CABCOCO1: variants seen among roughly 807,000 people sequenced by gnomAD.
The protein encoded by CABCOCO1 is ciliary associated calcium binding coiled-coil 1, also known as ciliary-associated calcium-binding coiled-coil protein 1.
A neutral mutation model predicts 35.7 loss-of-function variants in CABCOCO1; 28 were observed. That is an observed-to-expected ratio of 0.78 (90% CI 0.58 to 1.07). The LOEUF is 1.07. Among genes scored for constraint, CABCOCO1 ranks in the 50% least tolerant of loss-of-function variants. CABCOCO1 has a pLI of 0.00. For missense variants in CABCOCO1, 326 were observed against 309.2 expected, an observed-to-expected ratio of 1.05 and a Z score of -0.41; for synonymous variants, 95 against 100.1, an observed-to-expected ratio of 0.95 and a Z score of 0.30.
At chr10:61,686,605 A>C (rs1839974144) in intron 4 of CABCOCO1, among the ~76,000 whole-genome samples, 1 of 152,194 alleles carries the variant, frequency 6.6e-6, no homozygotes, top group Non-Finnish European at 1.5e-5. Context: ...CATTTTGAAG[A>C]GCAACATTCA....
intron 2 of CABCOCO1, among the ~76,000 whole-genome samples, chr10:61,674,081 G>T (rs115520305): frequency 0.033 from 5,000 of 152,146 alleles, 294 homozygotes; most frequent in African/African-American, 0.11. Flanking sequence ...CCAAGTAAAA[G>T]ATATTATATT....
At chr10:61,751,885 T>C (rs1841797102) in intron 5 of CABCOCO1, among the ~76,000 whole-genome samples, 2 of 152,210 alleles carry the variant, frequency 1.3e-5, no homozygotes, top group Non-Finnish European at 2.9e-5. Context: ...TCTACATTTT[T>C]AGAACATTCA....
At chr10:61,681,366 T>TAAATTTC in intron 3 of CABCOCO1, 54 bp downstream of exon 3, 1 of 1,344,280 alleles carries the variant, frequency 7.4e-7, no homozygotes, top group Non-Finnish European at 1.0e-6. Context: ...CCATATAAAT[T>TAAATTTC]GAGGTTCTTA....
chr10:61,747,414 AC>A (rs1841686541), intron 5 of CABCOCO1, among the ~76,000 whole-genome samples: 2 of 152,176 alleles, frequency 1.3e-5, no homozygotes, highest in Non-Finnish European at 2.9e-5. Context: ...TACCTTGCAT[AC>A]CAGATCTTTC....
At chr10:61,698,537 C>T (rs767652697) in intron 5 of CABCOCO1, among the ~76,000 whole-genome samples, 3 of 152,092 alleles carry the variant, frequency 2.0e-5, no homozygotes, top group Non-Finnish European at 4.4e-5. Flanking sequence ...TTTTGGCAGC[C>T]TTTCATAACC....
chr10:61,701,696 C>T, intron 5 of CABCOCO1: 1 of 984,764 alleles, frequency 1.0e-6, no homozygotes, highest in South Asian at 4.7e-5. Flanking sequence ...CTAGGGTGTC[C>T]AGATATGCAT....
chr10:61,759,146 G>A (rs1841957304), intron 5 of CABCOCO1, among the ~76,000 whole-genome samples: 1 of 151,738 alleles, frequency 6.6e-6, no homozygotes, highest in South Asian at 2.1e-4. Flanking sequence ...TCATCCCTGG[G>A]CCACAATAAC....
At chr10:61,703,415 T>C (rs1840513168) in intron 5 of CABCOCO1, among the ~76,000 whole-genome samples, 2 of 152,130 alleles carry the variant, frequency 1.3e-5, no homozygotes, top group Admixed American at 1.3e-4. Flanking sequence ...AGACATAATA[T>C]AAGCTAACAA....
chr10:61,743,178 A>C (rs1841586451), intron 5 of CABCOCO1, among the ~76,000 whole-genome samples: 1 of 152,212 alleles, frequency 6.6e-6, no homozygotes, highest in Admixed American at 6.5e-5. Flanking sequence ...TCCTCTCAAC[A>C]AATGAAGGGA....
chr10:61,675,936 GA>G (rs907109302), intron 2 of CABCOCO1, among the ~76,000 whole-genome samples: 2 of 151,982 alleles, frequency 1.3e-5, no homozygotes, highest in African/African-American at 4.8e-5. Flanking sequence ...TAGTGAATCA[GA>G]AAAAATAGTC....
intron 5 of CABCOCO1, among the ~76,000 whole-genome samples, chr10:61,748,522 G>C (rs979256031): frequency 6.6e-6 from 1 of 152,184 alleles, no homozygotes; most frequent in Non-Finnish European, 1.5e-5. Flanking sequence ...AACACGCAGT[G>C]GGTGACCACT....
chr10:61,720,368 T>C (rs1840974595), intron 5 of CABCOCO1, among the ~76,000 whole-genome samples: 1 of 152,186 alleles, frequency 6.6e-6, no homozygotes, highest in South Asian at 2.1e-4. Context: ...AACAGGATTT[T>C]GGAAGAAAAG....
At chr10:61,726,331 A>G (rs1048883407) in intron 5 of CABCOCO1, among the ~76,000 whole-genome samples, 2 of 152,178 alleles carry the variant, frequency 1.3e-5, no homozygotes, top group South Asian at 4.1e-4. Flanking sequence ...ACTTGTGCAT[A>G]TTCACAGGAT....
At chr10:61,740,071 A>G (rs1301205817) in intron 5 of CABCOCO1, among the ~76,000 whole-genome samples, 1 of 152,260 alleles carries the variant, frequency 6.6e-6, no homozygotes, top group African/African-American at 2.4e-5. Flanking sequence ...AAGTTGTGCC[A>G]TTAGTATAAT....
At chr10:61,702,670 T>G (rs900638839) in intron 5 of CABCOCO1, among the ~76,000 whole-genome samples, 8 of 152,138 alleles carry the variant, frequency 5.3e-5, no homozygotes, top group African/African-American at 1.9e-4. Context: ...ACCAATGTTT[T>G]CATAGTGTTC....
intron 5 of CABCOCO1, among the ~76,000 whole-genome samples, chr10:61,737,547 A>G (rs10994903): frequency 0.42 from 63,807 of 152,088 alleles, 15,627 homozygotes; most frequent in Non-Finnish European, 0.55. Flanking sequence ...AAGACATGGA[A>G]TCAACCTAAA....
chr10:61,762,731 C>T (rs1225902686), intron 7 of CABCOCO1, among the ~76,000 whole-genome samples: 5 of 152,088 alleles, frequency 3.3e-5, no homozygotes, highest in African/African-American at 1.2e-4. Context: ...GGGTTGACAA[C>T]TGATAAAAGA....
chr10:61,756,797 TC>T (rs1330016674), intron 5 of CABCOCO1, among the ~76,000 whole-genome samples: 1 of 152,014 alleles, frequency 6.6e-6, no homozygotes, highest in African/African-American at 2.4e-5. Context: ...GGTTGCTAAA[TC>T]AGGGTACCAA....
chr10:61,725,364 G>A (rs1324214847), intron 5 of CABCOCO1, among the ~76,000 whole-genome samples: 1 of 152,108 alleles, frequency 6.6e-6, no homozygotes, highest in Non-Finnish European at 1.5e-5. Flanking sequence ...CAACCCAAAT[G>A]TCCATCAATG....
Sources: allele counts gnomAD v4.1 joint callset (sites outside exome capture counted in the v4.1 genomes callset), GRCh38; gene constraint gnomAD v4.1.1; transcripts MANE v1.5; gene names NCBI Gene and HGNC (gene_info 2026-07-23, HGNC 2026-07-21).